Variants in PHETA1 observed in about 807,000 individuals in gnomAD.
PHETA1 encodes sesquipedalian-1.
For synonymous variants in PHETA1, 155 were observed against 168.9 expected (o/e 0.92, Z 0.64); for missense variants, 348 against 373.5 (o/e 0.93, Z 0.56).
Position 111,362,500 on chromosome 12 carries a change from C to T in PHETA1, c.*178G>A. 2 of 1,463,390 alleles carry T rather than the reference C, an allele frequency of 1.4e-6. No homozygotes were observed. Among genetic ancestry groups the T allele is most frequent in the Non-Finnish European group, 1.8e-6 (2 of 1,103,644 alleles). 90.7% of individuals were successfully genotyped at this position (1,463,390 alleles called of 1,614,324 possible). A position where few individuals can be genotyped will look rare whatever the true frequency, so the allele number is the denominator to read the frequency against. ...TCTGGGTCACATGGTCCTAAAGGCC[C>T]ACTCAGAATCCAGCACCTTCTCAGA... On this transcript the variant is annotated 3_prime_UTR_variant, in exon 3 of 3. Coordinates refer to ENST00000683047, the MANE Select transcript of PHETA1 (RefSeq NM_144671.6).
chr12:111,362,332 C>T lies in PHETA1; in HGVS notation c.*346G>A. 1 of 506,366 alleles carries T rather than the reference C, an allele frequency of 2.0e-6. No homozygotes were observed. The highest frequency in any genetic ancestry group is 3.3e-5 in the Admixed American group (1 of 30,530). The allele number at this position is 506,366 out of a possible 1,614,324, so 31.4% of individuals were successfully genotyped here. ...TCAGTCCCAGTGACCCTCTGAGCTGCAGGCCCGGCAATGCCTGTTGCCAGC... is the reference window on the plus strand; with the variant it reads ...TCAGTCCCAGTGACCCTCTGAGCTGTAGGCCCGGCAATGCCTGTTGCCAGC... On this transcript the variant is annotated 3_prime_UTR_variant, in exon 3 of 3. Transcript: ENST00000683047.
rs563566329 is a variant in PHETA1, at chr12:111,361,195, C to G, written c.*1483G>C. On this transcript the variant is annotated 3_prime_UTR_variant, in exon 3 of 3. Coordinates refer to ENST00000683047, the MANE Select transcript of PHETA1 (RefSeq NM_144671.6). ...AGTCACAGACCGTATCCCCTCCCAC[C>G]AGCAAACAGGAAACTAAAGCAGTGA... 1 of 151,872 alleles carries G rather than the reference C, an allele frequency of 6.6e-6. No individual in the cohort carries two copies. Among genetic ancestry groups the G allele is most frequent in the African/African-American group, 2.4e-5 (1 of 41,510 alleles). The allele number at this position is 151,872 out of a possible 1,614,324, so 9.4% of individuals were successfully genotyped here.
In PHETA1 at chr12:111,362,954, T is replaced by G. The variant is rs1404614083; in HGVS notation, c.474A>C (p.Pro158=). 2 of 1,279,036 alleles carry G rather than the reference T, an allele frequency of 1.6e-6. No individual in the cohort carries two copies. The highest frequency in any genetic ancestry group is 2.0e-6 in the Non-Finnish European group (2 of 1,009,974). The allele number at this position is 1,279,036 out of a possible 1,614,324, so 79.2% of individuals were successfully genotyped here. ...LPPSLPSALA[P]VPSLPSAPAP... ...CTGGGGCAGAAGGCAGGGATGGGAC[T>G]GGGGCCAGGGCAGAGGGCAGGGACG... is the stretch of plus-strand genomic sequence containing the variant. The change falls in exon 3 of 3, where the codon CCA becomes CCC. Residue 158 remains proline (P), a synonymous_variant. Coordinates refer to ENST00000683047, the MANE Select transcript of PHETA1 (RefSeq NM_144671.6).
rs1593003720 is a variant in PHETA1 at position 111,362,816 on chromosome 12, A to T, written c.612T>A (p.Pro204=). The change falls in exon 3 of 3, where the codon CCT becomes CCA. Residue 204 remains proline, a synonymous_variant. Coordinates refer to ENST00000683047, the MANE Select transcript of PHETA1 (RefSeq NM_144671.6). ...AGGCCCGGCGGCGAGGCGGTGGTGG[A>T]GGGGGCTCGGGTCCAGGCCTGAAGG... is the stretch of plus-strand genomic sequence containing the variant. ...EATFRPGPEP[P]PPPPRRRASA... 1 of 1,538,368 alleles carries T rather than the reference A, an allele frequency of 6.5e-7. No individual in the cohort carries two copies. Among genetic ancestry groups the T allele is most frequent in the Non-Finnish European group, 8.7e-7 (1 of 1,145,302 alleles).
At position 111,363,553 on chromosome 12, in the gene PHETA1, C is replaced by T. The variant is rs964550491; in HGVS notation, c.-36-90G>A. 8 of 1,531,458 alleles carry T rather than the reference C, an allele frequency of 5.2e-6. 1 individual carries two copies. The Admixed American group carries it at 9.8e-5, about 19-fold the overall frequency. The allele number at this position is 1,531,458 out of a possible 1,614,324, so 94.9% of individuals were successfully genotyped here. On this transcript the variant is annotated intron_variant, in intron 2 of 2. Coordinates refer to ENST00000683047, the MANE Select transcript of PHETA1 (RefSeq NM_144671.6). The surrounding 1 kb of genome is among the most constrained non-coding windows in gnomAD (Gnocchi z 7.4). ...GGGACCTTGCAGCCACTCTACATCC[C>T]CGTTTCACAGATGAGGAAACTGACG...
rs1428057048 is a variant in PHETA1 at position 111,362,516 on chromosome 12, C to A, written c.*162G>T. 6.7e-7 allele frequency: 1 copy of A among 1,499,778 alleles called. No homozygotes were observed. Among genetic ancestry groups the A allele is most frequent in the Non-Finnish European group, 8.9e-7 (1 of 1,128,640 alleles). The allele number at this position is 1,499,778 out of a possible 1,614,324, so 92.9% of individuals were successfully genotyped here. On this transcript the variant is annotated 3_prime_UTR_variant, in exon 3 of 3. Coordinates refer to ENST00000683047, the MANE Select transcript of PHETA1 (RefSeq NM_144671.6). ...CTAAAGGCCCACTCAGAATCCAGCACCTTCTCAGAGCCTGCATCCCCCAAA... is the reference window on the plus strand; with the variant it reads ...CTAAAGGCCCACTCAGAATCCAGCAACTTCTCAGAGCCTGCATCCCCCAAA...
In PHETA1 at chr12:111,362,842, T is replaced by C. The variant is rs1171551379; in HGVS notation, c.586A>G (p.Thr196Ala). The C allele has an allele frequency of 6.5e-7, 1 of 1,537,894 alleles. No homozygotes were observed. The highest frequency in any genetic ancestry group is 8.7e-7 in the Non-Finnish European group (1 of 1,145,582). Residue 196 changes from threonine to alanine, a missense_variant, in exon 3 of 3, where the codon ACC becomes GCC. Thr to Ala is a moderately conservative substitution (Grantham distance 58). Coordinates refer to ENST00000683047, the MANE Select transcript of PHETA1 (RefSeq NM_144671.6). ...GGGGGCTCGGGTCCAGGCCTGAAGG[T>C]GGCCTCAGTGCTCCAGACAGCGCAG... is the stretch of plus-strand genomic sequence containing the variant. ...NGCAVWSTEATFRPGPEPPPP... is the reference protein window; with the variant it reads ...NGCAVWSTEAAFRPGPEPPPP...
rs1260907983 is a variant in PHETA1 at position 111,361,231 on chromosome 12, C to G, written c.*1447G>C. 1 of 152,208 alleles carries G rather than the reference C, an allele frequency of 6.6e-6. No homozygotes were observed. The highest frequency in any genetic ancestry group is 1.9e-4 in the East Asian group (1 of 5,198). The allele number at this position is 152,208 out of a possible 1,614,324, so 9.4% of individuals were successfully genotyped here. ...AAACTAAAGCAGTGAAAACATCAAG[C>G]TTTGTTGCCAGAGAAAAAAAAATGA... is the stretch of plus-strand genomic sequence containing the variant. On this transcript the variant is annotated 3_prime_UTR_variant, in exon 3 of 3. Coordinates refer to ENST00000683047, the MANE Select transcript of PHETA1 (RefSeq NM_144671.6).
rs780589481 is a variant in PHETA1, at chr12:111,363,117, C to G, written c.311G>C (p.Trp104Ser). Residue 104 changes from tryptophan to serine, a missense_variant, in exon 3 of 3, where the codon TGG (tryptophan) becomes TCG (serine). By Grantham distance (177) the Trp-to-Ser change is radical. Transcript: ENST00000683047. The surrounding 1 kb of genome is among the most constrained non-coding windows in gnomAD (Gnocchi z 7.4). ...AAESQDAMEG[W>S]VKALSRASFD... is the part of the protein sequence containing the mutation. ...GCTGGCACGCGACAGGGCCTTGACC[C>G]AGCCCTCCATGGCATCCTGACTCTC... The G allele has an allele frequency of 6.2e-7, 1 of 1,606,928 alleles. No individual in the cohort carries two copies. Among genetic ancestry groups the G allele is most frequent in the South Asian group, 1.1e-5 (1 of 90,890 alleles).
At position 111,362,889 on chromosome 12, in the gene PHETA1, G is replaced by A. The variant is rs1263713616; in HGVS notation, c.539C>T (p.Ala180Val). The A allele has an allele frequency of 6.6e-7, 1 of 1,524,986 alleles. No homozygotes were observed. Among genetic ancestry groups the A allele is most frequent in the Admixed American group, 2.0e-5 (1 of 49,408 alleles). The allele number at this position is 1,524,986 out of a possible 1,614,324, so 94.5% of individuals were successfully genotyped here. The change falls in exon 3 of 3, where the codon GCC becomes GTC. Residue 180 changes from alanine (A) to valine (V), a missense_variant. Physicochemically the swap from Ala to Val is moderately conservative, Grantham distance 64. Transcript: ENST00000683047. ...PALPLPRRPSALPPKENGCAV... is the reference protein window; with the variant it reads ...PALPLPRRPSVLPPKENGCAV... ...GCAGCCATTCTCCTTGGGCGGGAGGGCACTGGGCCGGCGGGGCAGGGGCAG... is the reference window on the plus strand; with the variant it reads ...GCAGCCATTCTCCTTGGGCGGGAGGACACTGGGCCGGCGGGGCAGGGGCAG...
intron 1 of PHETA1, among the ~76,000 whole-genome samples, chr12:111,366,566 A>T (rs777064105): frequency 3.2e-4 from 48 of 152,058 alleles, no homozygotes; most frequent in Non-Finnish European, 3.2e-4. Context: ...CCCCATCACC[A>T]TTCACTGGGA....
In PHETA1 at chr12:111,363,324, T is replaced by C; in HGVS notation, c.104A>G (p.His35Arg). ...CCCGCGCAGCACGAACCAGCGCCGG[T>C]GGTAGGCCGCGTGCCGCCCACCCTT... ...YKKGGRHAAYHRRWFVLRGNM... is the reference protein window; with the variant it reads ...YKKGGRHAAYRRRWFVLRGNM... Residue 35 changes from histidine (H) to arginine (R), a missense_variant, in exon 3 of 3, where the codon CAC (histidine) becomes CGC (arginine). Transcript: ENST00000683047. The surrounding 1 kb of genome is among the most constrained non-coding windows in gnomAD (Gnocchi z 7.4). 7 of 1,613,114 alleles carry C rather than the reference T, an allele frequency of 4.3e-6. No individual in the cohort carries two copies. The highest frequency in any genetic ancestry group is 5.9e-6 in the Non-Finnish European group (7 of 1,179,954).
In PHETA1 at chr12:111,361,959, C is replaced by T. The variant is rs773811725; in HGVS notation, c.*719G>A. The T allele has an allele frequency of 3.9e-5, 18 of 455,988 alleles. No individual in the cohort carries two copies. Among genetic ancestry groups the T allele is most frequent in the South Asian group, 7.7e-5 (5 of 64,556 alleles). 28.2% of individuals were successfully genotyped at this position (455,988 alleles called of 1,614,324 possible). A position where few individuals can be genotyped will look rare whatever the true frequency, so the allele number is the denominator to read the frequency against. ...ACCACGGAGACACAGACAGGGCCCG[C>T]GGCCAGAGAGCCACTGCCACCAGGA... is the stretch of plus-strand genomic sequence containing the variant. On this transcript the variant is annotated 3_prime_UTR_variant, in exon 3 of 3. Coordinates refer to ENST00000683047, the MANE Select transcript of PHETA1 (RefSeq NM_144671.6).
In PHETA1 at chr12:111,363,939, C is replaced by T. The variant is rs758008084; in HGVS notation, c.-36-476G>A. 2.0e-4 allele frequency among the ~76,000 whole-genome samples: 30 copies of T among 152,194 alleles called. No individual in the cohort carries two copies. The highest frequency in any genetic ancestry group is 3.7e-4 in the Non-Finnish European group (25 of 68,038). ...TGTTTCCATCATCCCAAGAACAAGA[C>T]CAGCTGGCCTTCTGCAGTCCCTGCC... On this transcript the variant is annotated intron_variant, in intron 2 of 2. Coordinates refer to ENST00000683047, the MANE Select transcript of PHETA1 (RefSeq NM_144671.6). The surrounding 1 kb of genome is among the most constrained non-coding windows in gnomAD (Gnocchi z 7.4).
chr12:111,361,674 T>C lies in PHETA1; in HGVS notation c.*1004A>G. On this transcript the variant is annotated 3_prime_UTR_variant, in exon 3 of 3. Coordinates refer to ENST00000683047, the MANE Select transcript of PHETA1 (RefSeq NM_144671.6). ...CAGGAGGGGACATGTTAGAGGGGGC[T>C]GCCTGGAGCTGAAGAGGGGCTCTGG... 1 of 349,662 alleles carries C rather than the reference T, an allele frequency of 2.9e-6. No homozygotes were observed. The highest frequency in any genetic ancestry group is 5.7e-6 in the Non-Finnish European group (1 of 176,356). The allele number at this position is 349,662 out of a possible 1,614,324, so 21.7% of individuals were successfully genotyped here.
Position 111,368,902 on chromosome 12 carries a change from C to G in PHETA1, c.-182+10G>C, listed in dbSNP as rs1013856372. ...TCCTCGTGCATGTCCCCCCGCCAGG[C>G]CCGCCTTACCTCGCAGCGCAGGCCT... On this transcript the variant is annotated intron_variant, in intron 1 of 2. Transcript: ENST00000683047. The surrounding 1 kb of genome is among the most constrained non-coding windows in gnomAD (Gnocchi z 5.0). The G allele has an allele frequency of 2.6e-5, 4 of 152,322 alleles. No homozygotes were observed. The highest frequency in any genetic ancestry group is 4.4e-5 in the Non-Finnish European group (3 of 68,104). 9.4% of individuals were successfully genotyped at this position (152,322 alleles called of 1,614,324 possible).
intron 2 of PHETA1, chr12:111,365,780 G>T: frequency 6.7e-6 from 2 of 298,890 alleles, no homozygotes; most frequent in South Asian, 2.6e-5. Flanking sequence ...GGGGTGAGGG[G>T]AGGGAACTTA....
chr12:111,367,180 T>G lies in PHETA1; in HGVS notation c.-181-923A>C, dbSNP rs1869086445. On this transcript the variant is annotated intron_variant, in intron 1 of 2. Coordinates refer to ENST00000683047, the MANE Select transcript of PHETA1 (RefSeq NM_144671.6). This position sits in a 1 kb window ranked among gnomAD's most constrained non-coding sequence, Gnocchi z 4.0. ...CCTCCAAGACTTGGTCCCGGCTGTC[T>G]GCCTGCAGGTCTTCACAAGGCCAGC... Among the ~76,000 whole-genome samples, 1 of 152,180 alleles carries G rather than the reference T, an allele frequency of 6.6e-6. No homozygotes were observed. The highest frequency in any genetic ancestry group is 6.5e-5 in the Admixed American group (1 of 15,286).
rs1009679061 is a variant in PHETA1 at position 111,367,614 on chromosome 12, A to G, written c.-182+1298T>C. ...CCCCATCAAGGCCAAAGGAATAGCA[A>G]CTTCCCTCCTGCTCAGCAACCCTCC... On this transcript the variant is annotated intron_variant, in intron 1 of 2. Transcript: ENST00000683047. The surrounding 1 kb of genome is among the most constrained non-coding windows in gnomAD (Gnocchi z 4.0). 9.2e-5 allele frequency among the ~76,000 whole-genome samples: 14 copies of G among 152,186 alleles called. No homozygotes were observed. The highest frequency in any genetic ancestry group is 2.9e-4 in the African/African-American group (12 of 41,446).
Sources: gnomAD v4.1 joint callset for allele counts (sites outside exome capture counted in the v4.1 genomes callset) on GRCh38, gnomAD v4.1.1 for gene constraint, Gnocchi (gnomAD v3.1) non-coding constraint, MANE v1.5 for transcripts, NCBI Gene and HGNC (gene_info 2026-07-23, HGNC 2026-07-21) for gene names.